EYA1: variants seen among roughly 807,000 people sequenced by gnomAD.
The protein encoded by EYA1 is protein phosphatase EYA1.
Under a neutral mutation model 82.0 loss-of-function variants are expected in EYA1, and 16 were observed. The observed-to-expected ratio is 0.20, with a 90% CI of 0.13 to 0.30. EYA1 has a LOEUF of 0.30. EYA1 is among the 10% of genes least tolerant of loss of function. The pLI, the probability that EYA1 is intolerant of heterozygous loss-of-function variation, is 1.00. For missense variants in EYA1, 633 were observed against 730.7 expected (o/e 0.87, Z 1.54); for synonymous variants, 261 against 264.4 (o/e 0.99, Z 0.12).
intron 11 of EYA1, among the ~76,000 whole-genome samples, chr8:71,259,319 A>G (rs1040585571): frequency 6.6e-6 from 1 of 152,124 alleles, no homozygotes; most frequent in African/African-American, 2.4e-5. Flanking sequence ...AAAGAGCACC[A>G]AGAGTCACCT....
In EYA1 at chr8:71,256,248, G is replaced by T. The variant is rs552738158; in HGVS notation, c.1051-11556C>A. 9.2e-5 allele frequency among the ~76,000 whole-genome samples: 14 copies of T among 152,234 alleles called. No homozygotes were observed. In the South Asian group the frequency reaches 2.9e-3, roughly 32 times the overall value. On this transcript the variant is annotated intron_variant, in intron 11 of 17. Transcript: ENST00000340726. The stretch of plus-strand genomic sequence containing the variant: ...ATACTAAAAGCAGGGAAGACATTTT[G>T]CATACTCATATTCATAGCAGCATTA...
At chr8:71,310,264 T>C (rs1312233424) in intron 7 of EYA1, among the ~76,000 whole-genome samples, 1 of 152,246 alleles carries the variant, frequency 6.6e-6, no homozygotes, top group East Asian at 1.9e-4. Context: ...TTATGTTTTA[T>C]ATATATTTTT....
intron 7 of EYA1, among the ~76,000 whole-genome samples, chr8:71,308,677 A>G (rs1373395243): frequency 6.6e-6 from 1 of 151,508 alleles, no homozygotes; most frequent in Admixed American, 6.6e-5. Context: ...CCTGGATAAT[A>G]CTGCCCAGTT....
At position 71,198,044 on chromosome 8, in the gene EYA1, A is replaced by G. The variant is rs1201619385; in HGVS notation, c.*1296T>C. ...AAGAGAAAATACGCACATAGGGAGT[A>G]ATGCAAAGTTTGCTGATTTCCGGAT... On this transcript the variant is annotated 3_prime_UTR_variant, in exon 18 of 18. Coordinates refer to ENST00000340726, the MANE Select transcript of EYA1 (RefSeq NM_000503.6). The G allele has an allele frequency of 6.6e-6, 1 of 152,226 alleles. No individual in the cohort carries two copies. The highest frequency in any genetic ancestry group is 1.5e-5 in the Non-Finnish European group (1 of 68,042). The allele number at this position is 152,226 out of a possible 1,614,324, so 9.4% of individuals were successfully genotyped here. A position where few individuals can be genotyped will look rare whatever the true frequency, so the allele number is the denominator to read the frequency against.
At chr8:71,406,422 A>T (rs1212393362) in intron 2 of EYA1, among the ~76,000 whole-genome samples, 1 of 152,224 alleles carries the variant, frequency 6.6e-6, no homozygotes, top group East Asian at 1.9e-4. Flanking sequence ...AGCGTGAGCG[A>T]CGCAGAAGAC....
chr8:71,498,743 G>T (rs190724951), intron 2 of EYA1, among the ~76,000 whole-genome samples: 8 of 152,210 alleles, frequency 5.3e-5, no homozygotes, highest in Non-Finnish European at 1.5e-5. Context: ...AATGTAATTG[G>T]TATTTAAGGT....
intron 9 of EYA1, among the ~76,000 whole-genome samples, chr8:71,277,130 T>TGC (rs1817288287): frequency 2.2e-5 from 3 of 138,150 alleles, no homozygotes; most frequent in African/African-American, 8.1e-5. Context: ...TTTTTTTTTT[T>TGC]TTTTTTTTTT....
intron 1 of EYA1, chr8:71,356,813 G>A (rs1826931674): frequency 1.0e-6 from 1 of 1,004,968 alleles, no homozygotes. Context: ...CAATCAACAT[G>A]CAAAGCAGCC....
chr8:71,537,364 C>A (rs1375184323), intron 1 of EYA1, among the ~76,000 whole-genome samples: 1 of 152,050 alleles, frequency 6.6e-6, no homozygotes, highest in Non-Finnish European at 1.5e-5. Context: ...TACTCAACTG[C>A]AGAACAGAAT....
chr8:71,343,245 T>C lies in EYA1; in HGVS notation c.125-9071A>G, dbSNP rs140857204. ...GCTGGGCTTGAAGAAAATTCAGTTT[T>C]TGGAGCTGGTGCTATATTCCCCAAG... On this transcript the variant is annotated intron_variant, in intron 3 of 17. Coordinates refer to ENST00000340726, the MANE Select transcript of EYA1 (RefSeq NM_000503.6). 1.7e-3 allele frequency among the ~76,000 whole-genome samples: 265 copies of C among 152,258 alleles called. 1 individual carries two copies. Among genetic ancestry groups the C allele is most frequent in the African/African-American group, 6.0e-3 (251 of 41,566 alleles).
At chr8:71,294,024 A>AT (rs1301639816) in intron 9 of EYA1, among the ~76,000 whole-genome samples, 120 of 146,916 alleles carry the variant, frequency 8.2e-4, no homozygotes, top group African/African-American at 1.7e-3. Context: ...TGTAGAAAAT[A>AT]TAAAAAAAAA....
At chr8:71,445,822 G>A (rs1262135391) in intron 2 of EYA1, among the ~76,000 whole-genome samples, 1 of 151,996 alleles carries the variant, frequency 6.6e-6, no homozygotes, top group Admixed American at 6.5e-5. Context: ...CAAAGTGTTG[G>A]GATTACAGGT....
At chr8:71,287,074 A>G (rs1453828304) in intron 9 of EYA1, among the ~76,000 whole-genome samples, 10 of 152,136 alleles carry the variant, frequency 6.6e-5, no homozygotes, top group Admixed American at 5.9e-4. Flanking sequence ...TGCTGGGATT[A>G]CAGGCGTGAG....
At chr8:71,254,845 C>T (rs1188689611) in intron 11 of EYA1, among the ~76,000 whole-genome samples, 1 of 149,366 alleles carries the variant, frequency 6.7e-6, no homozygotes, top group East Asian at 2.0e-4. Flanking sequence ...CCCCACCCCG[C>T]CCCCCACCAC....
At chr8:71,326,825 C>T (rs1426206601) in intron 4 of EYA1, among the ~76,000 whole-genome samples, 1 of 152,164 alleles carries the variant, frequency 6.6e-6, no homozygotes, top group East Asian at 1.9e-4. Flanking sequence ...ACGTTGGTCT[C>T]CCTGTTTCCA....
At chr8:71,300,219 C>T (rs755839335) in intron 7 of EYA1, among the ~76,000 whole-genome samples, 1 of 152,018 alleles carries the variant, frequency 6.6e-6, no homozygotes, top group Non-Finnish European at 1.5e-5. Context: ...AATGGCAGCA[C>T]CTGATAAATT....
At chr8:71,272,009 G>T in intron 9 of EYA1, 112 bp from the exon 10 acceptor site, 1 of 1,094,264 alleles carries the variant, frequency 9.1e-7, no homozygotes, top group Non-Finnish European at 1.4e-6. Context: ...ATTTCATTCT[G>T]CTGAAATCCT....
At chr8:71,461,102 G>C (rs531485237) in intron 2 of EYA1, among the ~76,000 whole-genome samples, 9 of 152,242 alleles carry the variant, frequency 5.9e-5, no homozygotes, top group African/African-American at 2.2e-4. Context: ...AGGTTTTTAT[G>C]TAATTTCATG....
chr8:71,461,312 G>A (rs538425178), intron 2 of EYA1, among the ~76,000 whole-genome samples: 1 of 152,308 alleles, frequency 6.6e-6, no homozygotes, highest in East Asian at 1.9e-4. Context: ...GTGTTAGTGA[G>A]CGTGGCGTCT....
Sources: gnomAD v4.1 joint callset for allele counts (sites outside exome capture counted in the v4.1 genomes callset) on GRCh38, gnomAD v4.1.1 for gene constraint, MANE v1.5 for transcripts, NCBI Gene and HGNC (gene_info 2026-07-23, HGNC 2026-07-21) for gene names.